Variants in JADE2 observed in about 807,000 individuals in gnomAD.
JADE2 encodes the protein E3 ubiquitin-protein ligase Jade-2.
In JADE2, 13 loss-of-function variants were observed where a neutral mutation model predicts 85.7. The ratio of observed to expected loss-of-function variants is 0.15; its 90% CI spans 0.10 to 0.24. JADE2 has a LOEUF of 0.24. JADE2 is among the 10% of genes least tolerant of loss of function. The pLI, the probability that JADE2 is intolerant of heterozygous loss-of-function variation, is 1.00. For missense variants in JADE2, 846 were observed against 1,115.9 expected (o/e 0.76, Z 3.45); for synonymous variants, 440 against 456.1 (o/e 0.96, Z 0.45).
At chr5:134,546,836 C>G (rs1283556198) in intron 3 of JADE2, among the ~76,000 whole-genome samples, 1 of 152,074 alleles carries the variant, frequency 6.6e-6, no homozygotes, top group African/African-American at 2.4e-5. Context: ...ACTGCTGGAG[C>G]TTTTCTCTTA....
At chr5:134,556,190 CAAGT>C (rs1320827522) in intron 4 of JADE2, among the ~76,000 whole-genome samples, 1 of 152,196 alleles carries the variant, frequency 6.6e-6, no homozygotes, top group Non-Finnish European at 1.5e-5. Flanking sequence ...GGATGCCTCT[CAAGT>C]AAGGGGCCTC....
intron 2 of JADE2, 57 bp from the exon 3 acceptor site, chr5:134,537,932 G>C: frequency 7.8e-7 from 1 of 1,282,378 alleles, no homozygotes; most frequent in Non-Finnish European, 1.1e-6. Context: ...TCTTGGGCAT[G>C]AGTGGGTGGT....
At position 134,579,422 on chromosome 5, in the gene JADE2, G is replaced by A. The variant is rs1315736945; in HGVS notation, c.*105G>A. 5 of 852,070 alleles carry A rather than the reference G, an allele frequency of 5.9e-6. No homozygotes were observed. Among genetic ancestry groups the A allele is most frequent in the Admixed American group, 2.9e-5 (1 of 34,302 alleles). The allele number at this position is 852,070 out of a possible 1,614,324, so 52.8% of individuals were successfully genotyped here. On this transcript the variant is annotated 3_prime_UTR_variant, in exon 12 of 12. Coordinates refer to ENST00000681547, the MANE Select transcript of JADE2 (RefSeq NM_001388185.1). This position sits in a 1 kb window ranked among gnomAD's most constrained non-coding sequence, Gnocchi z 4.6. ...TCTGCTGAGTGTCCCAGACCCTCGA[G>A]GCTGCCACTCCGTCGTGGTTTTATT...
intron 4 of JADE2, among the ~76,000 whole-genome samples, chr5:134,554,151 T>C (rs1762772714): frequency 6.6e-6 from 1 of 152,196 alleles, no homozygotes; most frequent in Non-Finnish European, 1.5e-5. Context: ...GGCAGCTGCA[T>C]CTGATTGGAT....
At position 134,566,719 on chromosome 5, in the gene JADE2, G is replaced by T; in HGVS notation, c.1434+139G>T. 1.5e-6 allele frequency: 1 copy of T among 682,096 alleles called. No individual in the cohort carries two copies. The highest frequency in any genetic ancestry group is 2.4e-6 in the Non-Finnish European group (1 of 411,252). The allele number at this position is 682,096 out of a possible 1,614,324, so 42.3% of individuals were successfully genotyped here. Reference sequence around the variant, plus strand: ...CTGGTGGACCGGCCCTGCTGCAGGAGCCTGCCAAGGGGCTGAGGGCTTTCA... The same window carrying T: ...CTGGTGGACCGGCCCTGCTGCAGGATCCTGCCAAGGGGCTGAGGGCTTTCA... On this transcript the variant is annotated intron_variant, in intron 9 of 11. Coordinates refer to ENST00000681547, the MANE Select transcript of JADE2 (RefSeq NM_001388185.1). This position sits in a 1 kb window ranked among gnomAD's most constrained non-coding sequence, Gnocchi z 6.7.
chr5:134,560,645 C>A, intron 5 of JADE2, 101 bp from the exon 6 acceptor site: 1 of 980,766 alleles, frequency 1.0e-6, no homozygotes, highest in Non-Finnish European at 1.5e-6. Context: ...CCCTCCCAGA[C>A]ATCTGCCCTG....
chr5:134,530,218 C>T (rs1481711461), intron 1 of JADE2, among the ~76,000 whole-genome samples: 1 of 152,228 alleles, frequency 6.6e-6, no homozygotes, highest in Non-Finnish European at 1.5e-5. Flanking sequence ...GCCTTCCCAA[C>T]ACAAGGAGGC....
In JADE2 at chr5:134,573,432, G is replaced by A. The variant is rs1581481549; in HGVS notation, c.1435-213G>A. 3.3e-5 allele frequency among the ~76,000 whole-genome samples: 5 copies of A among 152,312 alleles called. No homozygotes were observed. In the South Asian group the frequency reaches 8.3e-4, roughly 25 times the overall value. ...CCGGGGACCACAGGGCTGAGGCTGT[G>A]TTTGGCCTTAGGTTTTGGATCCGAG... is the stretch of plus-strand genomic sequence containing the variant. On this transcript the variant is annotated intron_variant, in intron 9 of 11. Transcript: ENST00000681547.
chr5:134,525,681 CA>C lies in JADE2; in HGVS notation c.-330del. 5.6e-6 allele frequency: 7 copies of C among 1,243,956 alleles called. No individual in the cohort carries two copies. In the South Asian group the frequency reaches 7.7e-5, roughly 14 times the overall value. The allele number at this position is 1,243,956 out of a possible 1,614,324, so 77.1% of individuals were successfully genotyped here. ...GTTTAAAAAGAAACAGAAACATACA[CA>C]GGGGGTTGGTGAATGGTGCCGACCG... On this transcript the variant is annotated 5_prime_UTR_variant, in exon 1 of 12. Transcript: ENST00000681547.
chr5:134,566,249 G>A lies in JADE2; in HGVS notation c.1103G>A (p.Gly368Asp), dbSNP rs115315395. Residue 368 changes from glycine to aspartate, a missense_variant, in exon 9 of 12, where the codon GGC becomes GAC. Around this residue, in one of 9 missense-constraint regions of JADE2, gnomAD observed 39 missense variants for 37.6 expected, o/e 1.04. Coordinates refer to ENST00000681547, the MANE Select transcript of JADE2 (RefSeq NM_001388185.1). The surrounding 1 kb of genome is among the most constrained non-coding windows in gnomAD (Gnocchi z 6.7). ...KSFCQEHSDG[G>D]PRNEPTSEPT... ...TTCTGCCAGGAGCACAGTGACGGGG[G>A]CCCACGTAATGAGCCCACATCTGAG... 6.2e-7 allele frequency: 1 copy of A among 1,614,122 alleles called. No homozygotes were observed. Among genetic ancestry groups the A allele is most frequent in the South Asian group, 1.1e-5 (1 of 91,080 alleles).
intron 2 of JADE2, among the ~76,000 whole-genome samples, chr5:134,537,150 G>A (rs1463358835): frequency 6.6e-6 from 1 of 152,206 alleles, no homozygotes; most frequent in Non-Finnish European, 1.5e-5. Flanking sequence ...ATTGCAGGCA[G>A]AGGAGCCCTT....
intron 3 of JADE2, among the ~76,000 whole-genome samples, chr5:134,547,224 G>A (rs1762346869): frequency 6.6e-6 from 1 of 152,184 alleles, no homozygotes; most frequent in African/African-American, 2.4e-5. Flanking sequence ...CCTACATCTG[G>A]GCAGAGCAGA....
At chr5:134,575,536 C>T (rs547509831) in intron 10 of JADE2, 22 of 152,336 alleles carry the variant, frequency 1.4e-4, no homozygotes, top group African/African-American at 4.6e-4. Context: ...GGGGGAGGAG[C>T]TTACACTGTC....
intron 3 of JADE2, among the ~76,000 whole-genome samples, chr5:134,539,587 G>A (rs1761843257): frequency 6.6e-6 from 1 of 152,234 alleles, no homozygotes; most frequent in African/African-American, 2.4e-5. Context: ...ATTAAAACTA[G>A]CCCAGAATTT....
chr5:134,547,376 G>T (rs1294519708), intron 3 of JADE2, among the ~76,000 whole-genome samples: 1 of 152,216 alleles, frequency 6.6e-6, no homozygotes, highest in African/African-American at 2.4e-5. Context: ...AGCAGAACTT[G>T]GTTGCTAGGC....
At position 134,566,612 on chromosome 5, in the gene JADE2, C is replaced by G; in HGVS notation, c.1434+32C>G. ...CCCCATGCCGCCTGCCCACCCCCTG[C>G]CTGGTGGGTCCAGGAGTCCTTTCCA... is the stretch of plus-strand genomic sequence containing the variant. On this transcript the variant is annotated intron_variant, in intron 9 of 11. Coordinates refer to ENST00000681547, the MANE Select transcript of JADE2 (RefSeq NM_001388185.1). This position sits in a 1 kb window ranked among gnomAD's most constrained non-coding sequence, Gnocchi z 6.7. The G allele has an allele frequency of 6.9e-7, 1 of 1,453,248 alleles. No individual in the cohort carries two copies. Among genetic ancestry groups the G allele is most frequent in the Non-Finnish European group, 9.3e-7 (1 of 1,072,652 alleles). The allele number at this position is 1,453,248 out of a possible 1,614,324, so 90.0% of individuals were successfully genotyped here. A position where few individuals can be genotyped will look rare whatever the true frequency, so the allele number is the denominator to read the frequency against.
At chr5:134,539,533 C>T (rs938574395) in intron 3 of JADE2, among the ~76,000 whole-genome samples, 1 of 152,228 alleles carries the variant, frequency 6.6e-6, no homozygotes, top group African/African-American at 2.4e-5. Context: ...TGTACTACAG[C>T]CAAGAAGTAG....
In JADE2 at chr5:134,562,060, C is replaced by T. The variant is rs2149978836; in HGVS notation, c.685-140C>T. 1.2e-6 allele frequency: 1 copy of T among 830,842 alleles called. No homozygotes were observed. Among genetic ancestry groups the T allele is most frequent in the South Asian group, 2.1e-5 (1 of 47,680 alleles). 51.5% of individuals were successfully genotyped at this position (830,842 alleles called of 1,614,324 possible). On this transcript the variant is annotated intron_variant, in intron 6 of 11. Coordinates refer to ENST00000681547, the MANE Select transcript of JADE2 (RefSeq NM_001388185.1). This position sits in a 1 kb window ranked among gnomAD's most constrained non-coding sequence, Gnocchi z 4.6. Reference sequence around the variant, plus strand: ...TCCTTCCTTCCTTGCATTGTAACTCCTCAGAAGTTGTACGTGCCAGAGATG... The same window carrying T: ...TCCTTCCTTCCTTGCATTGTAACTCTTCAGAAGTTGTACGTGCCAGAGATG...
intron 1 of JADE2, among the ~76,000 whole-genome samples, chr5:134,530,290 C>T (rs1249680742): frequency 6.6e-6 from 1 of 152,272 alleles, no homozygotes; most frequent in East Asian, 1.9e-4. Flanking sequence ...ATTACACACA[C>T]GCCTTAGCGG....
Sources: allele counts gnomAD v4.1 joint callset (sites outside exome capture counted in the v4.1 genomes callset), GRCh38; gene constraint gnomAD v4.1.1; regional missense constraint gnomAD v4.1.1; non-coding constraint Gnocchi (gnomAD v3.1); transcripts MANE v1.5; gene names NCBI Gene and HGNC (gene_info 2026-07-23, HGNC 2026-07-21).